The following EML6 variants were observed in gnomAD, a reference collection of about 807,000 sequenced individuals.
The protein encoded by EML6 is EMAP like 6, also known as echinoderm microtubule-associated protein-like 6.
In EML6, 154 loss-of-function variants were observed where a neutral mutation model predicts 240.1. That is an observed-to-expected ratio of 0.64 (90% CI 0.56 to 0.73). The LOEUF is 0.73. Ranked by LOEUF, EML6 falls within the 30% of genes least tolerant of loss-of-function variation. The pLI is 0.00. For missense variants in EML6, 2,964 were observed against 2,474.6 expected, an observed-to-expected ratio of 1.20 and a Z score of -4.20; for synonymous variants, 1,148 against 899.0, an observed-to-expected ratio of 1.28 and a Z score of -4.95.
At chr2:54,922,933 CTTTTTTTTTTT>C (rs36078208) in intron 26 of EML6, among the ~76,000 whole-genome samples, 3 of 73,850 alleles carry the variant, frequency 4.1e-5, no homozygotes, top group South Asian at 5.4e-4. Flanking sequence ...AGGGTATAAA[CTTTTTTTTTTT>C]TTTTTTTTTT....
chr2:54,827,362 G>T (rs528079137), intron 5 of EML6, among the ~76,000 whole-genome samples: 2 of 152,236 alleles, frequency 1.3e-5, no homozygotes, highest in African/African-American at 4.8e-5. Context: ...TAAAAGTGTT[G>T]TTATAGGCTT....
intron 10 of EML6, among the ~76,000 whole-genome samples, chr2:54,852,429 C>T (rs1029171822): frequency 2.6e-5 from 4 of 152,102 alleles, no homozygotes; most frequent in African/African-American, 9.7e-5. Context: ...TTATCATTTG[C>T]AATAATAAAA....
At chr2:54,770,157 A>G (rs943531592) in intron 2 of EML6, among the ~76,000 whole-genome samples, 3 of 152,210 alleles carry the variant, frequency 2.0e-5, no homozygotes, top group Non-Finnish European at 4.4e-5. Context: ...TAACTTAAAT[A>G]GTGATCTTGC....
chr2:54,969,973 G>A (rs1052511269), intron 41 of EML6, 98 bp from the exon 42 acceptor site: 14 of 1,281,210 alleles, frequency 1.1e-5, no homozygotes, highest in Admixed American at 4.0e-5. Flanking sequence ...TACATCACCC[G>A]AGCTTGACTT....
intron 2 of EML6, among the ~76,000 whole-genome samples, chr2:54,728,681 G>A (rs1399405162): frequency 6.6e-6 from 1 of 152,094 alleles, no homozygotes; most frequent in Non-Finnish European, 1.5e-5. Flanking sequence ...GTGGGGCCTG[G>A]CCCTTAGTTG....
At chr2:54,839,317 CT>C (rs1171533853) in intron 7 of EML6, among the ~76,000 whole-genome samples, 1 of 152,192 alleles carries the variant, frequency 6.6e-6, no homozygotes, top group Non-Finnish European at 1.5e-5. Flanking sequence ...ATGAATACAG[CT>C]TTTGACACAC....
chr2:54,910,926 A>C (rs574827555), intron 24 of EML6, 28 bp from the exon 25 acceptor site: 4 of 1,182,896 alleles, frequency 3.4e-6, no homozygotes, highest in South Asian at 1.4e-5. Context: ...GATTTTAATT[A>C]TCTCTCTACT....
chr2:54,755,764 G>T (rs576632959), intron 2 of EML6, among the ~76,000 whole-genome samples: 1 of 152,014 alleles, frequency 6.6e-6, no homozygotes, highest in African/African-American at 2.4e-5. Flanking sequence ...AGGCTCAAGC[G>T]ATCCTCCCAC....
Position 54,774,520 on chromosome 2 carries a change from C to G in EML6, c.198-38712C>G, listed in dbSNP as rs1366220720. ...AAGGGGGTTCTGGATGGTTTTTAGC[C>G]TACATCACGGGGAGAATGGAAGAGC... On this transcript the variant is annotated intron_variant, in intron 2 of 41. Coordinates refer to ENST00000356458, the MANE Select transcript of EML6 (RefSeq NM_001039753.4). This position sits in a 1 kb window ranked among gnomAD's most constrained non-coding sequence, Gnocchi z 4.1. 6.6e-6 allele frequency among the ~76,000 whole-genome samples: 1 copy of G among 152,170 alleles called. No individual in the cohort carries two copies. Among genetic ancestry groups the G allele is most frequent in the East Asian group, 1.9e-4 (1 of 5,190 alleles).
intron 13 of EML6, among the ~76,000 whole-genome samples, chr2:54,865,321 C>CA (rs10689357): frequency 0.3 from 41,666 of 138,636 alleles, 7,952 homozygotes; most frequent in African/African-American, 0.55. Context: ...TCTGTATCTA[C>CA]AAAAAAAAAA....
chr2:54,804,711 A>G (rs1200267464), intron 2 of EML6, among the ~76,000 whole-genome samples: 1 of 152,190 alleles, frequency 6.6e-6, no homozygotes, highest in Non-Finnish European at 1.5e-5. Flanking sequence ...TATAATGTAA[A>G]TTTGCCCCTG....
At chr2:54,862,624 A>G (rs921567201) in intron 12 of EML6, among the ~76,000 whole-genome samples, 1 of 152,186 alleles carries the variant, frequency 6.6e-6, no homozygotes, top group Non-Finnish European at 1.5e-5. Context: ...AATGGCAGAA[A>G]AATTCCCAAG....
rs1343476384 is a variant in EML6, at chr2:54,879,582, G to A, written c.2380G>A (p.Asp794Asn). 4.5e-6 allele frequency: 7 copies of A among 1,551,944 alleles called. No homozygotes were observed. The highest frequency in any genetic ancestry group is 2.0e-5 in the Admixed American group (1 of 50,988). Reference protein sequence around the residue: ...GKCLVSVGLDDFHSIVFWDWK... With the variant: ...GKCLVSVGLDNFHSIVFWDWK... ...ATGTCTGGTGTCGGTTGGTTTAGAC[G>A]ATTTTCACAGTATTGTATTTTGGGA... The change falls in exon 17 of 42, where the codon GAT becomes AAT. Residue 794 changes from aspartate to asparagine, a missense_variant. Asp to Asn is a conservative substitution (Grantham distance 23, BLOSUM62 1). Coordinates refer to ENST00000356458, the MANE Select transcript of EML6 (RefSeq NM_001039753.4).
chr2:54,843,640 C>T (rs940605745), intron 7 of EML6, among the ~76,000 whole-genome samples: 1 of 151,830 alleles, frequency 6.6e-6, no homozygotes, highest in East Asian at 1.9e-4. Flanking sequence ...GTCAGGAGAT[C>T]GAGACCATCC....
At chr2:54,785,285 C>T (rs1428783257) in intron 2 of EML6, among the ~76,000 whole-genome samples, 48 of 151,152 alleles carry the variant, frequency 3.2e-4, no homozygotes, top group Admixed American at 2.6e-3. Context: ...AAGTGATTCT[C>T]GTGCCTCAGC....
intron 5 of EML6, 53 bp from the exon 6 acceptor site, chr2:54,827,513 C>T: frequency 7.2e-7 from 1 of 1,390,558 alleles, no homozygotes; most frequent in Admixed American, 2.0e-5. Flanking sequence ...AACACCAATG[C>T]AATACATCCG....
At chr2:54,879,519 T>C in intron 16 of EML6, 28 bp from the exon 17 acceptor site, 1 of 1,476,454 alleles carries the variant, frequency 6.8e-7, no homozygotes, top group Non-Finnish European at 9.2e-7. Context: ...ATGGAAGAAA[T>C]TTTGACATTT....
intron 24 of EML6, among the ~76,000 whole-genome samples, chr2:54,905,422 T>C (rs1673277022): frequency 4.7e-5 from 7 of 149,802 alleles, no homozygotes; most frequent in Admixed American, 4.0e-4. Context: ...TCAATGACTA[T>C]TAGGGATTAA....
Position 54,916,875 on chromosome 2 carries a change from T to C in EML6, c.3615T>C (p.Cys1205=), listed in dbSNP as rs1673943425. 6.5e-7 allele frequency: 1 copy of C among 1,550,118 alleles called. No individual in the cohort carries two copies. The highest frequency in any genetic ancestry group is 2.0e-5 in the Admixed American group (1 of 50,972). The change falls in exon 26 of 42, where the codon TGT becomes TGC. Residue 1205 remains cysteine (C), a synonymous_variant. Coordinates refer to ENST00000356458, the MANE Select transcript of EML6 (RefSeq NM_001039753.4). ...DVNAASLTKD[C]SLLATGDDFG... Reference sequence around the variant, plus strand: ...ATGCTGCCAGTCTTACCAAAGACTGTTCCCTTTTAGCCACCGGAGATGATT... The same window carrying C: ...ATGCTGCCAGTCTTACCAAAGACTGCTCCCTTTTAGCCACCGGAGATGATT...
Sources: allele counts gnomAD v4.1 joint callset (sites outside exome capture counted in the v4.1 genomes callset), GRCh38; gene constraint gnomAD v4.1.1; non-coding constraint Gnocchi (gnomAD v3.1); transcripts MANE v1.5; gene names NCBI Gene and HGNC (gene_info 2026-07-23, HGNC 2026-07-21).